Variants in CSMD1 observed in about 807,000 individuals in gnomAD.
The protein encoded by CSMD1 is CUB and Sushi multiple domains 1.
In CSMD1, 213 loss-of-function variants were observed where a neutral mutation model predicts 417.5. The ratio of observed to expected loss-of-function variants is 0.51; its 90% confidence interval spans 0.46 to 0.57. CSMD1 has a LOEUF of 0.57. CSMD1 is among the 20% of genes least tolerant of loss of function. The pLI, the probability that CSMD1 is intolerant of heterozygous loss-of-function variation, is 0.00. For synonymous variants in CSMD1, 2,862 were observed against 1,736.8 expected (o/e 1.65, Z -16.11); for missense variants, 6,923 against 4,529.7 (o/e 1.53, Z -15.17).
intron 5 of CSMD1, among the ~76,000 whole-genome samples, chr8:3,926,104 C>CACCAT (rs1563218314): frequency 9.6e-5 from 4 of 41,648 alleles, no homozygotes; most frequent in African/African-American, 4.8e-4. Flanking sequence ...CACACACACA[C>CACCAT]ACACACACAC....
chr8:3,767,306 A>G (rs1584965641), intron 5 of CSMD1, among the ~76,000 whole-genome samples: 2 of 152,228 alleles, frequency 1.3e-5, no homozygotes, highest in African/African-American at 4.8e-5. Flanking sequence ...TGGTGTGGTC[A>G]TTACGAACAC....
intron 12 of CSMD1, among the ~76,000 whole-genome samples, chr8:3,436,522 G>T (rs1814577822): frequency 6.6e-6 from 1 of 152,234 alleles, no homozygotes; most frequent in South Asian, 2.1e-4. Flanking sequence ...TAAGTGTAAT[G>T]TTTAGTGGCT....
intron 1 of CSMD1, among the ~76,000 whole-genome samples, chr8:4,668,200 G>A (rs554631919): frequency 8.6e-5 from 13 of 151,976 alleles, no homozygotes; most frequent in Middle Eastern, 3.4e-3. Flanking sequence ...TTCTGTTATG[G>A]CTTCTGATCC....
chr8:3,182,224 C>T (rs929426424), intron 36 of CSMD1, among the ~76,000 whole-genome samples: 1 of 152,088 alleles, frequency 6.6e-6, no homozygotes, highest in African/African-American at 2.4e-5. Context: ...CTTAGCTCAC[C>T]ACTTAAACTA....
chr8:3,837,531 A>G (rs55982038), intron 5 of CSMD1, among the ~76,000 whole-genome samples: 5,774 of 152,276 alleles, frequency 0.038, 160 homozygotes, highest in Non-Finnish European at 0.056. Flanking sequence ...CATTTAAAAA[A>G]CAACACAGCC....
chr8:3,087,348 C>G, intron 48 of CSMD1, 63 bp from the exon 49 acceptor site: 1 of 1,501,398 alleles, frequency 6.7e-7, no homozygotes, highest in Non-Finnish European at 9.2e-7. Context: ...AGTGCCATTG[C>G]CTTTGTGAGA....
At chr8:4,662,139 T>C (rs1804646335) in intron 1 of CSMD1, among the ~76,000 whole-genome samples, 1 of 152,140 alleles carries the variant, frequency 6.6e-6, no homozygotes, top group South Asian at 2.1e-4. Context: ...TGCAGTACAA[T>C]ATATAAATTT....
intron 54 of CSMD1, among the ~76,000 whole-genome samples, chr8:2,988,805 G>C (rs747135076): frequency 1.2e-4 from 18 of 152,140 alleles, no homozygotes; most frequent in Admixed American, 1.1e-3. Flanking sequence ...CACAAGCACT[G>C]CAGGGCTGGA....
intron 5 of CSMD1, among the ~76,000 whole-genome samples, chr8:3,941,016 T>C (rs1467458659): frequency 6.6e-6 from 1 of 152,028 alleles, no homozygotes; most frequent in Non-Finnish European, 1.5e-5. Flanking sequence ...TGTACATATT[T>C]CCATGCTACA....
At chr8:4,809,763 T>G (rs972467920) in intron 1 of CSMD1, among the ~76,000 whole-genome samples, 4 of 152,178 alleles carry the variant, frequency 2.6e-5, no homozygotes, top group Non-Finnish European at 4.4e-5. Context: ...ATAATTCATG[T>G]TTTTTTACAC....
At chr8:3,957,469 G>C (rs1326480812) in intron 5 of CSMD1, among the ~76,000 whole-genome samples, 3 of 152,080 alleles carry the variant, frequency 2.0e-5, no homozygotes, top group African/African-American at 7.2e-5. Flanking sequence ...CCTGAGCCTA[G>C]GAGTATTGGA....
chr8:4,400,259 G>C (rs553523653), intron 3 of CSMD1, among the ~76,000 whole-genome samples: 1 of 152,144 alleles, frequency 6.6e-6, no homozygotes, highest in Non-Finnish European at 1.5e-5. Context: ...CTGGCTCTCT[G>C]GTTTAATGAA....
At chr8:3,836,807 G>A (rs995893137) in intron 5 of CSMD1, among the ~76,000 whole-genome samples, 2 of 151,986 alleles carry the variant, frequency 1.3e-5, no homozygotes, top group Non-Finnish European at 1.5e-5. Context: ...TCTTCTCACA[G>A]TTTAAATAAT....
At chr8:3,922,047 T>A (rs1472726925) in intron 5 of CSMD1, among the ~76,000 whole-genome samples, 4 of 152,198 alleles carry the variant, frequency 2.6e-5, no homozygotes, top group Admixed American at 2.0e-4. Context: ...ATATTTGCTA[T>A]ATATGTAGGT....
chr8:4,210,930 T>C (rs1201034038), intron 3 of CSMD1, among the ~76,000 whole-genome samples: 2 of 152,164 alleles, frequency 1.3e-5, no homozygotes, highest in African/African-American at 2.4e-5. Flanking sequence ...AAAAACTCGA[T>C]TGTCTGGAGT....
At chr8:4,154,265 G>GC (rs763028063) in intron 3 of CSMD1, among the ~76,000 whole-genome samples, 7 of 143,080 alleles carry the variant, frequency 4.9e-5, no homozygotes, top group Non-Finnish European at 1.1e-4. Flanking sequence ...AAACAGTAAT[G>GC]CTAAAAAATA....
chr8:4,491,720 C>T (rs965211549), intron 2 of CSMD1, among the ~76,000 whole-genome samples: 4 of 152,084 alleles, frequency 2.6e-5, no homozygotes, highest in African/African-American at 9.7e-5. Flanking sequence ...GGCAACACAA[C>T]CAAATGCTGT....
chr8:3,080,141 G>C (rs958938593), intron 49 of CSMD1, among the ~76,000 whole-genome samples: 2 of 152,160 alleles, frequency 1.3e-5, no homozygotes, highest in Non-Finnish European at 2.9e-5. Flanking sequence ...CTGAGAACCA[G>C]ACCTTGAAAG....
At chr8:3,321,398 C>T (rs1053312146) in intron 23 of CSMD1, among the ~76,000 whole-genome samples, 2 of 152,184 alleles carry the variant, frequency 1.3e-5, no homozygotes, top group African/African-American at 4.8e-5. Context: ...ACGGCTGCAG[C>T]TGTCCTACCC....
Sources: allele counts gnomAD v4.1 joint callset (sites outside exome capture counted in the v4.1 genomes callset), GRCh38; gene constraint gnomAD v4.1.1; transcripts MANE v1.5; gene names NCBI Gene and HGNC (gene_info 2026-07-23, HGNC 2026-07-21).